The following LRRC53 variants were observed in gnomAD, a reference collection of about 807,000 sequenced individuals.
LRRC53 encodes leucine-rich repeat-containing protein 53.
In LRRC53, 25 loss-of-function variants were observed where a neutral mutation model predicts 13.6. That is an observed-to-expected ratio of 1.83 (90% CI 1.34 to 2.56). The LOEUF is 2.56. Among genes scored for constraint, LRRC53 ranks in the 30% most tolerant of loss-of-function variants. The pLI is 0.00. For synonymous variants in LRRC53, 204 were observed against 109.8 expected (o/e 1.86, Z -5.37); for missense variants, 527 against 275.8 (o/e 1.91, Z -6.45).
intron 1 of LRRC53, among the ~76,000 whole-genome samples, chr1:74,492,612 C>T (rs963249451): frequency 4.6e-5 from 7 of 152,108 alleles, no homozygotes; most frequent in African/African-American, 7.2e-5. Context: ...AGGATCTGAG[C>T]AACAGAAGTT....
chr1:74,494,714 T>C (rs1314847742), intron 1 of LRRC53, among the ~76,000 whole-genome samples: 1 of 152,246 alleles, frequency 6.6e-6, no homozygotes, highest in Non-Finnish European at 1.5e-5. Flanking sequence ...ATCTTGGCTT[T>C]GCCATGTACT....
chr1:74,493,131 A>T (rs1274016571), intron 1 of LRRC53, among the ~76,000 whole-genome samples: 1 of 152,156 alleles, frequency 6.6e-6, no homozygotes, highest in African/African-American at 2.4e-5. Flanking sequence ...GAATTTGAGG[A>T]GGGTCACACT....
the LRRC53 span, among the ~76,000 whole-genome samples, chr1:74,530,725 T>A: frequency 3.0e-5 from 1 of 33,340 alleles, no homozygotes; most frequent in Non-Finnish European, 4.8e-5. Context: ...CTCAAAAAGT[T>A]TTTTTTTTTT....
intron 1 of LRRC53, among the ~76,000 whole-genome samples, chr1:74,490,288 G>T (rs1037220846): frequency 6.6e-6 from 1 of 152,250 alleles, no homozygotes; most frequent in Middle Eastern, 3.4e-3. Context: ...TCATATATTT[G>T]GTGGGGCTTC....
chr1:74,472,259 A>C, intron 4 of LRRC53, 58 bp from the exon 5 acceptor site: 1 of 705,204 alleles, frequency 1.4e-6, no homozygotes. Context: ...ACCCCAACCA[A>C]ACAGATGCGT....
the LRRC53 span, among the ~76,000 whole-genome samples, chr1:74,523,610 G>A: frequency 3.9e-5 from 6 of 152,144 alleles, no homozygotes; most frequent in African/African-American, 1.4e-4. Flanking sequence ...CTCTTCATGA[G>A]TCTAGCTTTG....
chr1:74,534,909 G>A, the LRRC53 span, among the ~76,000 whole-genome samples: 1 of 152,106 alleles, frequency 6.6e-6, no homozygotes, highest in East Asian at 1.9e-4. Flanking sequence ...TAAATGCAAT[G>A]GTTCCTTCAG....
intron 4 of LRRC53, 48 bp from the exon 5 acceptor site, chr1:74,472,249 AC>A (rs1667972873): frequency 2.8e-6 from 2 of 710,800 alleles, no homozygotes; most frequent in Non-Finnish European, 5.2e-6. Context: ...GAGTTTTATT[AC>A]CCCAACCAAA....
chr1:74,486,794 A>T (rs1031985900), intron 1 of LRRC53, among the ~76,000 whole-genome samples: 1 of 152,136 alleles, frequency 6.6e-6, no homozygotes, highest in East Asian at 1.9e-4. Flanking sequence ...GAAGAAGCCA[A>T]TGAGCGCAGA....
chr1:74,507,224 C>CCA (rs1553153837), intron 1 of LRRC53, among the ~76,000 whole-genome samples: 3 of 27,142 alleles, frequency 1.1e-4, no homozygotes, highest in Non-Finnish European at 2.7e-4. Context: ...AATTTCTTCA[C>CCA]CCCCCCCCCA....
At chr1:74,523,486 A>G in the LRRC53 span, among the ~76,000 whole-genome samples, 1 of 149,696 alleles carries the variant, frequency 6.7e-6, no homozygotes, top group African/African-American at 2.4e-5. Flanking sequence ...AACAACAAGA[A>G]AGAGAGAAAG....
chr1:74,527,299 C>A, the LRRC53 span, among the ~76,000 whole-genome samples: 1 of 152,106 alleles, frequency 6.6e-6, no homozygotes, highest in Non-Finnish European at 1.5e-5. Flanking sequence ...TCAGAGTAAA[C>A]AGACAAAGAT....
the LRRC53 span, among the ~76,000 whole-genome samples, chr1:74,535,671 C>T: frequency 1.3e-5 from 2 of 152,116 alleles, no homozygotes; most frequent in African/African-American, 4.8e-5. Context: ...TATTTTTGGA[C>T]AGTTCTAATC....
chr1:74,481,105 A>G, intron 2 of LRRC53, 137 bp from the exon 3 acceptor site: 2 of 571,234 alleles, frequency 3.5e-6, no homozygotes, highest in Non-Finnish European at 6.2e-6. Context: ...CAAAAAATGA[A>G]AATGATTTTC....
chr1:74,503,627 A>G (rs1669746178), intron 1 of LRRC53, among the ~76,000 whole-genome samples: 1 of 152,136 alleles, frequency 6.6e-6, no homozygotes, highest in Non-Finnish European at 1.5e-5. Flanking sequence ...TAAAATTTTT[A>G]TGACATGCAC....
rs1390900013 is a variant in LRRC53 at position 74,480,706 on chromosome 1, A to G, written c.351T>C (p.Asn117=). The part of the protein sequence containing the change: ...HSLQVLVLSN[N]ALRTLRGSWF... ...AAGACCCTCGTAGGGTGCGGAGAGC[A>G]TTATTGCTCAGCACCAGTACCTGCA... The change falls in exon 3 of 5, where the codon AAT becomes AAC. Residue 117 remains asparagine, a synonymous_variant. Transcript: ENST00000294635. 1.8e-5 allele frequency: 13 copies of G among 717,422 alleles called. No homozygotes were observed. Among genetic ancestry groups the G allele is most frequent in the Non-Finnish European group, 3.1e-5 (12 of 385,084 alleles). The allele number at this position is 717,422 out of a possible 1,614,324, so 44.4% of individuals were successfully genotyped here.
At position 74,498,475 on chromosome 1, in the gene LRRC53, T is replaced by C. The variant is rs1459925991; in HGVS notation, c.-27+14051A>G. ...GTTAAAAACAGAAATTCTCTTCTTT[T>C]TTGTTTTGTTCAGGTGCCTACAATA... On this transcript the variant is annotated intron_variant, in intron 1 of 4. Transcript: ENST00000294635. Among the ~76,000 whole-genome samples, 67 of 152,214 alleles carry C rather than the reference T, an allele frequency of 4.4e-4. 1 individual carries two copies. The highest frequency in any genetic ancestry group is 5.9e-5 in the Non-Finnish European group (4 of 68,032).
Position 74,497,866 on chromosome 1 carries a change from C to T in LRRC53, c.-26-14491G>A, listed in dbSNP as rs963322656. Reference sequence around the variant, plus strand: ...CCGGAGTCCAATTGATTCAGGAGTCCGAAATCCTCAGTGATACACGTTTTC... The same window carrying T: ...CCGGAGTCCAATTGATTCAGGAGTCTGAAATCCTCAGTGATACACGTTTTC... On this transcript the variant is annotated intron_variant, in intron 1 of 4. Coordinates refer to ENST00000294635, the MANE Select transcript of LRRC53 (RefSeq NM_001382280.1). 7.2e-5 allele frequency among the ~76,000 whole-genome samples: 11 copies of T among 152,090 alleles called. No individual in the cohort carries two copies. The East Asian group carries it at 1.2e-3, about 16-fold the overall frequency.
the LRRC53 span, among the ~76,000 whole-genome samples, chr1:74,521,026 C>T: frequency 6.6e-6 from 1 of 152,162 alleles, no homozygotes; most frequent in African/African-American, 2.4e-5. Context: ...ACCTTCTCTG[C>T]TCTGGTTGCC....
Sources: allele counts gnomAD v4.1 joint callset (sites outside exome capture counted in the v4.1 genomes callset), GRCh38; gene constraint gnomAD v4.1.1; transcripts MANE v1.5; gene names NCBI Gene and HGNC (gene_info 2026-07-23, HGNC 2026-07-21).